The following AADACL2 variants were observed in gnomAD, a reference collection of about 807,000 sequenced individuals.
The protein encoded by AADACL2 is arylacetamide deacetylase like 2.
In AADACL2, 23 loss-of-function variants were observed where a neutral mutation model predicts 22.3. That is an observed-to-expected ratio of 1.03 (90% CI 0.74 to 1.46). AADACL2 has a LOEUF of 1.46. Among genes scored for constraint, AADACL2 ranks in the 40% most tolerant of loss-of-function variants. The pLI is 0.00. For missense variants in AADACL2, 472 were observed against 482.9 expected, an observed-to-expected ratio of 0.98 and a Z score of 0.21; for synonymous variants, 177 against 166.2, an observed-to-expected ratio of 1.07 and a Z score of -0.50.
chr3:151,747,381 T>C (rs1311182153), intron 4 of AADACL2, among the ~76,000 whole-genome samples: 2 of 152,068 alleles, frequency 1.3e-5, no homozygotes, highest in East Asian at 3.9e-4. Flanking sequence ...TTCACCAATA[T>C]CTCCCTGTTC....
intron 2 of AADACL2, among the ~76,000 whole-genome samples, chr3:151,743,528 C>A (rs1460040544): frequency 4.6e-5 from 7 of 152,084 alleles, no homozygotes; most frequent in Non-Finnish European, 8.8e-5. Context: ...GCCAGAGGCT[C>A]TCTCATATCT....
intron 1 of AADACL2, among the ~76,000 whole-genome samples, chr3:151,735,453 A>T (rs1458170324): frequency 6.6e-6 from 1 of 152,204 alleles, no homozygotes; most frequent in East Asian, 1.9e-4. Context: ...GTTTCTGCAT[A>T]CTTCCTCGTC....
rs537156449 is a variant in AADACL2, at chr3:151,741,141, T to C, written c.361+273T>C. On this transcript the variant is annotated intron_variant, in intron 2 of 4. Transcript: ENST00000356517. ...TGAATGAACATATATCAAAGGAAAA[T>C]AGGATATAAAGTCAGTTATTAAACT... Among the ~76,000 whole-genome samples, 4 of 152,226 alleles carry C rather than the reference T, an allele frequency of 2.6e-5. No individual in the cohort carries two copies. The South Asian group carries it at 8.3e-4, about 32-fold the overall frequency.
Position 151,757,851 on chromosome 3 carries a change from C to T in AADACL2, c.*257C>T, listed in dbSNP as rs918196891. The T allele has an allele frequency of 1.5e-5, 4 of 266,442 alleles. No individual in the cohort carries two copies. The highest frequency in any genetic ancestry group is 8.9e-5 in the African/African-American group (4 of 44,864). The allele number at this position is 266,442 out of a possible 1,614,324, so 16.5% of individuals were successfully genotyped here. ...ATGTTGGTTCTAATAAGAACCAATG[C>T]TTATTAAAGTTGAGAAATAAGAGTG... On this transcript the variant is annotated 3_prime_UTR_variant, in exon 5 of 5. Coordinates refer to ENST00000356517, the MANE Select transcript of AADACL2 (RefSeq NM_207365.4).
intron 4 of AADACL2, among the ~76,000 whole-genome samples, chr3:151,746,269 T>A (rs991687740): frequency 1.3e-5 from 2 of 151,962 alleles, no homozygotes; most frequent in Non-Finnish European, 1.5e-5. Context: ...AATTTATTTC[T>A]ATGCTATATA....
rs774815891 is a variant in AADACL2, at chr3:151,757,205, G to A, written c.817G>A (p.Glu273Lys). Residue 273 changes from glutamate (E) to lysine (K), a missense_variant, in exon 5 of 5, where the codon GAG (glutamate) becomes AAG (lysine). Coordinates refer to ENST00000356517, the MANE Select transcript of AADACL2 (RefSeq NM_207365.4). Reference sequence around the variant, plus strand: ...GAGAAGAAACCAACACATGCCTCTGGAGTCAAGACATCTGTTTAAGTTTGT... The same window carrying A: ...GAGAAGAAACCAACACATGCCTCTGAAGTCAAGACATCTGTTTAAGTTTGT... ...AMRRNQHMPL[E>K]SRHLFKFVNW... The A allele has an allele frequency of 3.1e-6, 5 of 1,613,624 alleles. No homozygotes were observed. The highest frequency in any genetic ancestry group is 4.2e-6 in the Non-Finnish European group (5 of 1,179,682).
At chr3:151,742,314 C>T (rs9756997) in intron 2 of AADACL2, among the ~76,000 whole-genome samples, 48,878 of 151,560 alleles carry the variant, frequency 0.32, 8,182 homozygotes, top group East Asian at 0.55. Context: ...TGTTTCTATA[C>T]GCATTCTACA....
intron 4 of AADACL2, among the ~76,000 whole-genome samples, chr3:151,755,338 A>G (rs1713858658): frequency 6.6e-6 from 1 of 152,178 alleles, no homozygotes; most frequent in Non-Finnish European, 1.5e-5. Flanking sequence ...ACATTTTTGT[A>G]TAATAAAGGA....
At position 151,760,041 on chromosome 3, in the gene AADACL2, A is replaced by G. The variant is rs985017818; in HGVS notation, c.*2447A>G. 5 of 152,188 alleles carry G rather than the reference A, an allele frequency of 3.3e-5. No homozygotes were observed. The highest frequency in any genetic ancestry group is 1.2e-4 in the African/African-American group (5 of 41,458). 9.4% of individuals were successfully genotyped at this position (152,188 alleles called of 1,614,324 possible). A position where few individuals can be genotyped will look rare whatever the true frequency, so the allele number is the denominator to read the frequency against. On this transcript the variant is annotated 3_prime_UTR_variant, in exon 5 of 5. Coordinates refer to ENST00000356517, the MANE Select transcript of AADACL2 (RefSeq NM_207365.4). ...ATTATATCAGGGTAATCGGCACATC[A>G]TCTCAAACATTTATCATTTCTTTGT...
intron 4 of AADACL2, chr3:151,755,092 T>A (rs529569996): frequency 6.6e-6 from 1 of 152,268 alleles, no homozygotes; most frequent in South Asian, 2.1e-4. Context: ...CTTGTTACTG[T>A]TTCTCGGATC....
rs56205370 is a variant in AADACL2, at chr3:151,761,204, G to GATATATAT, written c.*3641_*3648dup. ...ATATGGTGAGATATATACATATTGT[G>GATATATAT]ATATATATATATATATATATATATA... On this transcript the variant is annotated 3_prime_UTR_variant, in exon 5 of 5. Coordinates refer to ENST00000356517, the MANE Select transcript of AADACL2 (RefSeq NM_207365.4). 3,963 of 84,382 alleles carry GATATATAT rather than the reference G, an allele frequency of 0.047. 233 individuals carry two copies. Among genetic ancestry groups the GATATATAT allele is most frequent in the Non-Finnish European group, 0.06 (2,465 of 40,912 alleles). The allele number at this position is 84,382 out of a possible 1,614,324, so 5.2% of individuals were successfully genotyped here.
intron 4 of AADACL2, among the ~76,000 whole-genome samples, chr3:151,749,237 A>C (rs928017898): frequency 2.0e-5 from 3 of 151,432 alleles, no homozygotes; most frequent in Non-Finnish European, 1.5e-5. Flanking sequence ...CTGTGTATAG[A>C]TCTTTCTACC....
At chr3:151,736,302 CT>C (rs10575713) in intron 1 of AADACL2, among the ~76,000 whole-genome samples, 71,848 of 138,176 alleles carry the variant, frequency 0.52, 16,942 homozygotes, top group East Asian at 0.68. Flanking sequence ...AAGGATTTAT[CT>C]TTTTTTTTTT....
chr3:151,754,609 A>C (rs1197588684), intron 4 of AADACL2, among the ~76,000 whole-genome samples: 1 of 152,118 alleles, frequency 6.6e-6, no homozygotes, highest in African/African-American at 2.4e-5. Flanking sequence ...GATTAAGAAT[A>C]AGGATGGGCT....
At chr3:151,740,168 A>G (rs982404311) in intron 1 of AADACL2, among the ~76,000 whole-genome samples, 3 of 152,200 alleles carry the variant, frequency 2.0e-5, no homozygotes, top group African/African-American at 7.2e-5. Flanking sequence ...TGATCTGCAG[A>G]TTGCAAAAAC....
At chr3:151,734,706 A>G (rs1713034453) in intron 1 of AADACL2, among the ~76,000 whole-genome samples, 1 of 152,182 alleles carries the variant, frequency 6.6e-6, no homozygotes, top group South Asian at 2.1e-4. Context: ...CTCCTTTAAA[A>G]GGGAGAGATA....
Position 151,734,057 on chromosome 3 carries a change from T to C in AADACL2, c.22T>C (p.Leu8=). Residue 8 remains leucine, a synonymous_variant, in exon 1 of 5, where the codon TTG becomes CTG. Transcript: ENST00000356517. MGLKALC[L]GLLCVLFVSH... is the part of the protein sequence containing the mutation. ...TATTATGGGGCTAAAAGCTCTCTGT[T>C]TGGGGCTGCTTTGTGTTCTTTTTGT... 1 of 1,612,772 alleles carries C rather than the reference T, an allele frequency of 6.2e-7. No homozygotes were observed. The highest frequency in any genetic ancestry group is 8.5e-7 in the Non-Finnish European group (1 of 1,179,372).
intron 4 of AADACL2, among the ~76,000 whole-genome samples, chr3:151,748,879 T>C (rs1216170693): frequency 6.6e-6 from 1 of 152,228 alleles, no homozygotes; most frequent in African/African-American, 2.4e-5. Flanking sequence ...ATTTCTTAGC[T>C]CTTTATTCTG....
rs10575713 is a variant in AADACL2 at position 151,736,302 on chromosome 3, C to CT, written c.138+2144dup. ...TCCTTTTTTATATACAAGGATTTAT[C>CT]TTTTTTTTTTTTTTTGTCTTTTACT... is the stretch of plus-strand genomic sequence containing the variant. On this transcript the variant is annotated intron_variant, in intron 1 of 4. Coordinates refer to ENST00000356517, the MANE Select transcript of AADACL2 (RefSeq NM_207365.4). 9.5e-3 allele frequency among the ~76,000 whole-genome samples: 1,309 copies of CT among 138,416 alleles called. 8 individuals carry two copies. The highest frequency in any genetic ancestry group is 0.026 in the Middle Eastern group (7 of 268). The allele number at this position is 138,416 out of a possible 152,430, so 90.8% of individuals were successfully genotyped here.
Sources: allele counts gnomAD v4.1 joint callset (sites outside exome capture counted in the v4.1 genomes callset), GRCh38; gene constraint gnomAD v4.1.1; transcripts MANE v1.5; gene names NCBI Gene and HGNC (gene_info 2026-07-23, HGNC 2026-07-21).